Variants in SLC39A10 observed in about 807,000 individuals in gnomAD.
The protein encoded by SLC39A10 is solute carrier family 39 member 10.
A neutral mutation model predicts 65.1 loss-of-function variants in SLC39A10; 13 were observed. The ratio of observed to expected loss-of-function variants is 0.20; its 90% CI spans 0.13 to 0.32. The LOEUF is 0.32. Ranked by LOEUF, SLC39A10 falls within the 10% of genes least tolerant of loss-of-function variation. SLC39A10 has a pLI of 1.00. For synonymous variants in SLC39A10, 321 were observed against 342.2 expected, an observed-to-expected ratio of 0.94 and a Z score of 0.68; for missense variants, 831 against 1,018.4, an observed-to-expected ratio of 0.82 and a Z score of 2.50.
chr2:195,708,612 A>T, intron 4 of SLC39A10, 44 bp from the exon 5 acceptor site: 4 of 1,403,768 alleles, frequency 2.8e-6, no homozygotes, highest in Non-Finnish European at 3.8e-6. Context: ...TTTAAATAGC[A>T]TTTCAATTAT....
rs938727401 is a variant in SLC39A10 at position 195,674,569 on chromosome 2, A to G, written c.-11-5463A>G. On this transcript the variant is annotated intron_variant, in intron 1 of 9. Coordinates refer to ENST00000359634, the MANE Select transcript of SLC39A10 (RefSeq NM_020342.3). ...TGGGATTATAGGTGTGAACCACTGC[A>G]CCCGGCCTGCTTTTCTTTATTTACC... The G allele has an allele frequency of 2.7e-5, 27 of 985,006 alleles. 1 individual carries two copies. In the African/African-American group the frequency reaches 4.4e-4, roughly 16 times the overall value. 61.0% of individuals were successfully genotyped at this position (985,006 alleles called of 1,614,324 possible).
At chr2:195,677,313 A>G (rs1364890662) in intron 1 of SLC39A10, among the ~76,000 whole-genome samples, 1 of 147,604 alleles carries the variant, frequency 6.8e-6, no homozygotes, top group African/African-American at 2.6e-5. Flanking sequence ...CACTTTGGGA[A>G]TTTGAGTTGG....
intron 6 of SLC39A10, among the ~76,000 whole-genome samples, chr2:195,716,037 A>C (rs912873539): frequency 1.7e-4 from 26 of 152,226 alleles, no homozygotes; most frequent in African/African-American, 6.3e-4. Context: ...AGAGTATCAC[A>C]AGCCATTTAC....
intron 1 of SLC39A10, among the ~76,000 whole-genome samples, chr2:195,668,657 A>T (rs993831368): frequency 3.3e-5 from 5 of 152,166 alleles, no homozygotes; most frequent in Non-Finnish European, 5.9e-5. Context: ...ATTTTCCTTT[A>T]AAAAAATACT....
chr2:195,683,850 A>G lies in SLC39A10; in HGVS notation c.1160A>G (p.Asp387Gly). The change falls in exon 3 of 10, where the codon GAT (aspartate) becomes GGT (glycine). Residue 387 changes from aspartate to glycine, a missense_variant. Asp to Gly is a moderately conservative substitution (Grantham distance 94). Coordinates refer to ENST00000359634, the MANE Select transcript of SLC39A10 (RefSeq NM_020342.3). ...IEHFDKLLVEDINKDKNLVPE... is the reference protein window; with the variant it reads ...IEHFDKLLVEGINKDKNLVPE... ...CATTTTGACAAACTTTTAGTTGAAGATATAAATAAGGATAAAAACCTGGTT... is the reference window on the plus strand; with the variant it reads ...CATTTTGACAAACTTTTAGTTGAAGGTATAAATAAGGATAAAAACCTGGTT... The G allele has an allele frequency of 1.2e-6, 2 of 1,613,350 alleles. No homozygotes were observed. The highest frequency in any genetic ancestry group is 1.7e-6 in the Non-Finnish European group (2 of 1,179,490).
At chr2:195,689,853 C>T (rs1395804735) in intron 3 of SLC39A10, among the ~76,000 whole-genome samples, 1 of 152,100 alleles carries the variant, frequency 6.6e-6, no homozygotes, top group Non-Finnish European at 1.5e-5. Flanking sequence ...AGCATTATGT[C>T]CTCAAGGTTC....
At chr2:195,673,656 G>T (rs1432516751) in intron 1 of SLC39A10, among the ~76,000 whole-genome samples, 1 of 152,060 alleles carries the variant, frequency 6.6e-6, no homozygotes, top group Non-Finnish European at 1.5e-5. Flanking sequence ...GTCATTGCTG[G>T]GTCCTATCCC....
upstream of SLC39A10, among the ~76,000 whole-genome samples, chr2:195,655,141 C>G (rs1226851689): frequency 1.3e-5 from 2 of 152,112 alleles, no homozygotes; most frequent in Admixed American, 6.5e-5. Flanking sequence ...CCAAAGGGCT[C>G]TATCTTAGCC....
At chr2:195,622,711 G>A (rs1688375722) in intron 2 of SLC39A10, among the ~76,000 whole-genome samples, 1 of 152,180 alleles carries the variant, frequency 6.6e-6, no homozygotes, top group African/African-American at 2.4e-5. Context: ...GGTGGCTCAC[G>A]CCTATAATCC....
At chr2:195,705,456 A>G (rs1169475280) in intron 3 of SLC39A10, among the ~76,000 whole-genome samples, 1 of 152,222 alleles carries the variant, frequency 6.6e-6, no homozygotes, top group African/African-American at 2.4e-5. Context: ...TGTGAATACA[A>G]CGCCCATTGG....
At chr2:195,696,085 C>T (rs1306148970) in intron 3 of SLC39A10, among the ~76,000 whole-genome samples, 1 of 152,116 alleles carries the variant, frequency 6.6e-6, no homozygotes, top group Admixed American at 6.5e-5. Context: ...TGTCAAAAAT[C>T]ATTTAACCAT....
intron 3 of SLC39A10, among the ~76,000 whole-genome samples, chr2:195,705,210 C>A (rs1192107993): frequency 1.3e-5 from 2 of 152,180 alleles, no homozygotes; most frequent in African/African-American, 4.8e-5. Context: ...AAAATCCTTG[C>A]AAGGATTGAA....
At chr2:195,713,947 G>A (rs1337047893) in intron 6 of SLC39A10, among the ~76,000 whole-genome samples, 1 of 149,312 alleles carries the variant, frequency 6.7e-6, no homozygotes, top group Non-Finnish European at 1.5e-5. Context: ...TTTTTTTTGA[G>A]ACAGAGTCTC....
At chr2:195,644,641 TA>T (rs2105707985) in intron 2 of SLC39A10, among the ~76,000 whole-genome samples, 1 of 151,478 alleles carries the variant, frequency 6.6e-6, no homozygotes, top group African/African-American at 2.4e-5. Flanking sequence ...GCCCCTCAAC[TA>T]AAAAATTAAA....
chr2:195,618,030 C>T (rs62203575), intron 2 of SLC39A10, among the ~76,000 whole-genome samples: 81 of 147,900 alleles, frequency 5.5e-4, no homozygotes, highest in Non-Finnish European at 9.4e-4. Context: ...TGAGCCACCT[C>T]GCCCGGCCTT....
chr2:195,629,317 C>G (rs1688535476), intron 2 of SLC39A10, among the ~76,000 whole-genome samples: 1 of 151,476 alleles, frequency 6.6e-6, no homozygotes, highest in African/African-American at 2.4e-5. Context: ...TCGCTTGAAC[C>G]CGAGAGGTAG....
chr2:195,686,416 T>G (rs1012390467), intron 3 of SLC39A10, among the ~76,000 whole-genome samples: 2 of 152,060 alleles, frequency 1.3e-5, no homozygotes, highest in African/African-American at 2.4e-5. Flanking sequence ...CTGGATATGG[T>G]GGTGCGGCCT....
intron 2 of SLC39A10, among the ~76,000 whole-genome samples, chr2:195,622,972 C>CAAAA (rs11440347): frequency 4.6e-4 from 45 of 96,814 alleles, no homozygotes; most frequent in African/African-American, 1.4e-3. Context: ...ACTCCTGTCT[C>CAAAA]AAAAAAAAAA....
At chr2:195,625,905 C>T (rs983813213) in intron 2 of SLC39A10, among the ~76,000 whole-genome samples, 6 of 152,182 alleles carry the variant, frequency 3.9e-5, no homozygotes, top group Non-Finnish European at 7.3e-5. Flanking sequence ...CCACGTTAGC[C>T]TCCTGAATAG....
Sources: gnomAD v4.1 joint callset for allele counts (sites outside exome capture counted in the v4.1 genomes callset) on GRCh38, gnomAD v4.1.1 for gene constraint, MANE v1.5 for transcripts, NCBI Gene and HGNC (gene_info 2026-07-23, HGNC 2026-07-21) for gene names.